Variants in IQGAP1 observed in about 807,000 individuals in gnomAD.
The protein encoded by IQGAP1 is IQ motif containing GTPase activating protein 1.
IQGAP1 carries 66 observed loss-of-function variants against 215.6 expected under a neutral mutation model. The ratio of observed to expected loss-of-function variants is 0.31; its 90% CI spans 0.25 to 0.38. The LOEUF is 0.38. IQGAP1 is among the 10% of genes least tolerant of loss of function. The pLI, the probability that IQGAP1 is intolerant of heterozygous loss-of-function variation, is 1.00. For synonymous variants in IQGAP1, 772 were observed against 728.7 expected (o/e 1.06, Z -0.96); for missense variants, 1,712 against 1,997.1 (o/e 0.86, Z 2.72).
Position 90,444,486 on chromosome 15 carries a change from G to T in IQGAP1, c.913+1008G>T, listed in dbSNP as rs1965499820. The stretch of plus-strand genomic sequence containing the variant: ...TTTTGAAGAGACAGGGTCTCGCTCT[G>T]TTGCCCAGGTTGGTGTCAAACTCCT... On this transcript the variant is annotated intron_variant, in intron 9 of 37. Transcript: ENST00000268182. Among the ~76,000 whole-genome samples the T allele has an allele frequency of 2.0e-5, 3 of 152,008 alleles. No homozygotes were observed. The South Asian group carries it at 6.2e-4, about 32-fold the overall frequency.
In IQGAP1 at chr15:90,453,134, T is replaced by C; in HGVS notation, c.1329T>C (p.His443=). ...LATLQRQSPE[H]NLTHPELSVA... Reference sequence around the variant, plus strand: ...CCCTTCTGTCCCTTTCTGTACAGCATAATCTCACCCACCCAGAGCTCTCTG... The same window carrying C: ...CCCTTCTGTCCCTTTCTGTACAGCACAATCTCACCCACCCAGAGCTCTCTG... Residue 443 remains histidine (H), a splice_region_variant and synonymous_variant, in exon 13 of 38, where the codon CAT becomes CAC. Transcript: ENST00000268182. 6.2e-7 allele frequency: 1 copy of C among 1,610,472 alleles called. No homozygotes were observed. The highest frequency in any genetic ancestry group is 8.5e-7 in the Non-Finnish European group (1 of 1,178,412).
chr15:90,429,650 A>T lies in IQGAP1; in HGVS notation c.374A>T (p.Glu125Val). ...NVIQWLNAMD[E>V]IGLPKIFYPE... The stretch of plus-strand genomic sequence containing the variant: ...ATTCAGTGGTTGAATGCCATGGATG[A>T]GATTGGATTGCCTAAGGTAACTTAC... The change falls in exon 4 of 38, where the codon GAG (glutamate) becomes GTG (valine). Residue 125 changes from glutamate (E) to valine (V), a missense_variant. By Grantham distance (121) the Glu-to-Val change is moderately radical. Around this residue, in one of 2 missense-constraint regions of IQGAP1, gnomAD observed 1,021 missense variants for 1,074.2 expected, o/e 0.95. Coordinates refer to ENST00000268182, the MANE Select transcript of IQGAP1 (RefSeq NM_003870.4). 1 of 1,607,148 alleles carries T rather than the reference A, an allele frequency of 6.2e-7. No homozygotes were observed. The highest frequency in any genetic ancestry group is 8.5e-7 in the Non-Finnish European group (1 of 1,177,124).
At chr15:90,449,756 C>T in intron 11 of IQGAP1, 113 bp downstream of exon 11, 2 of 772,034 alleles carry the variant, frequency 2.6e-6, no homozygotes, top group South Asian at 4.0e-5. Context: ...TAGCCATAAC[C>T]AACTGCCAGG....
intron 2 of IQGAP1, among the ~76,000 whole-genome samples, chr15:90,418,870 T>C (rs943646905): frequency 4.6e-5 from 7 of 151,840 alleles, no homozygotes; most frequent in Non-Finnish European, 7.4e-5. Flanking sequence ...AGCTTCATAC[T>C]GGTTCGTGGC....
Position 90,388,292 on chromosome 15 carries a change from C to G in IQGAP1, c.-50C>G, listed in dbSNP as rs760267608. ...CAGGAGCTGTAGCTACCGCCGTCCG[C>G]GCCTCCAAGGTTTCACGGCTTCCTC... On this transcript the variant is annotated 5_prime_UTR_variant, in exon 1 of 38. Transcript: ENST00000268182. 2 of 1,590,166 alleles carry G rather than the reference C, an allele frequency of 1.3e-6. No homozygotes were observed. Among genetic ancestry groups the G allele is most frequent in the Non-Finnish European group, 1.7e-6 (2 of 1,168,582 alleles).
chr15:90,388,707 GGT>G (rs1964589609), intron 1 of IQGAP1, among the ~76,000 whole-genome samples: 1 of 152,184 alleles, frequency 6.6e-6, no homozygotes, highest in African/African-American at 2.4e-5. Flanking sequence ...CCTAGAGTGA[GGT>G]GGCAGGATGA....
chr15:90,431,845 T>C (rs1361869729), intron 4 of IQGAP1, among the ~76,000 whole-genome samples: 1 of 152,210 alleles, frequency 6.6e-6, no homozygotes, highest in Non-Finnish European at 1.5e-5. Context: ...GCTGGCCTAT[T>C]ATAGAAAATT....
intron 6 of IQGAP1, among the ~76,000 whole-genome samples, chr15:90,439,888 A>G (rs1033314901): frequency 6.6e-6 from 1 of 152,108 alleles, no homozygotes; most frequent in Non-Finnish European, 1.5e-5. Context: ...GCTTGAAGAG[A>G]TGAGGGGTTG....
At chr15:90,404,288 G>T (rs1365799043) in intron 2 of IQGAP1, among the ~76,000 whole-genome samples, 1 of 152,136 alleles carries the variant, frequency 6.6e-6, no homozygotes, top group Non-Finnish European at 1.5e-5. Flanking sequence ...CATATAAGAA[G>T]GCTGTTTCCG....
intron 10 of IQGAP1, among the ~76,000 whole-genome samples, chr15:90,449,212 C>T (rs1965567225): frequency 6.6e-6 from 1 of 150,808 alleles, no homozygotes; most frequent in African/African-American, 2.4e-5. Flanking sequence ...TCTTTTTTGT[C>T]TAAATAAGGG....
At chr15:90,425,390 ACATGTAACTAAACTTT>A (rs1176390897) in intron 2 of IQGAP1, among the ~76,000 whole-genome samples, 1 of 152,224 alleles carries the variant, frequency 6.6e-6, no homozygotes, top group Non-Finnish European at 1.5e-5. Flanking sequence ...GGTAGAAAAT[ACATGTAACTAAACTTT>A]CCTTTGTTTT....
chr15:90,472,394 CT>C (rs1567137483), intron 18 of IQGAP1, among the ~76,000 whole-genome samples: 1 of 152,200 alleles, frequency 6.6e-6, no homozygotes, highest in Non-Finnish European at 1.5e-5. Context: ...CATTTGCAAT[CT>C]GCCTGGAGAA....
intron 17 of IQGAP1, 43 bp from the exon 18 acceptor site, chr15:90,467,407 T>C (rs769012320): frequency 1.3e-6 from 2 of 1,581,204 alleles, no homozygotes; most frequent in Non-Finnish European, 1.7e-6. Context: ...AGCTGGGGAG[T>C]GTGGCTCTGG....
chr15:90,406,361 T>TA (rs1248385192), intron 2 of IQGAP1, among the ~76,000 whole-genome samples: 1 of 152,204 alleles, frequency 6.6e-6, no homozygotes, highest in Non-Finnish European at 1.5e-5. Context: ...GAGACGGGGT[T>TA]TCACCGTGTT....
At chr15:90,464,915 A>T (rs1965810238) in intron 15 of IQGAP1, among the ~76,000 whole-genome samples, 1 of 152,114 alleles carries the variant, frequency 6.6e-6, no homozygotes, top group African/African-American at 2.4e-5. Flanking sequence ...TCTGTTTAAA[A>T]TGCCATTCAG....
chr15:90,457,374 T>C lies in IQGAP1; in HGVS notation c.1776+1059T>C, dbSNP rs899693510. 1.4e-4 allele frequency among the ~76,000 whole-genome samples: 22 copies of C among 152,214 alleles called. 1 individual carries two copies. The highest frequency in any genetic ancestry group is 1.1e-3 in the Admixed American group (17 of 15,256). On this transcript the variant is annotated intron_variant, in intron 15 of 37. Transcript: ENST00000268182. ...TATTTCATTGTGTGGTTATATGTTA[T>C]TGGTGAAGTTTTTTGTTGTTTTGTT...
intron 30 of IQGAP1, among the ~76,000 whole-genome samples, chr15:90,484,734 A>C (rs1185441436): frequency 2.0e-5 from 3 of 151,890 alleles, no homozygotes; most frequent in Non-Finnish European, 2.9e-5. Context: ...TGGTGTCGAT[A>C]TCCTGACCTC....
rs112884547 is a variant in IQGAP1, at chr15:90,471,306, A to G, written c.2179-1534A>G. 2.0e-5 allele frequency among the ~76,000 whole-genome samples: 3 copies of G among 152,130 alleles called. 1 individual carries two copies. The highest frequency in any genetic ancestry group is 7.2e-5 in the African/African-American group (3 of 41,508). On this transcript the variant is annotated intron_variant, in intron 18 of 37. Transcript: ENST00000268182. ...TCTTAGCATGTGGCTTCCATTCTCA[A>G]GGTCACCTTGTCACCTATAATGACA...
chr15:90,404,084 C>T (rs1304540114), intron 2 of IQGAP1, among the ~76,000 whole-genome samples: 1 of 152,236 alleles, frequency 6.6e-6, no homozygotes, highest in Admixed American at 6.5e-5. Flanking sequence ...GACATTTTCT[C>T]CTCAGCTTTT....
Sources: gnomAD v4.1 joint callset for allele counts (sites outside exome capture counted in the v4.1 genomes callset) on GRCh38, gnomAD v4.1.1 for gene constraint, gnomAD v4.1.1 regional missense constraint, MANE v1.5 for transcripts, NCBI Gene and HGNC (gene_info 2026-07-23, HGNC 2026-07-21) for gene names.